The following PPP2R5E variants were observed in gnomAD, a reference collection of about 807,000 sequenced individuals.
PPP2R5E encodes the protein serine/threonine-protein phosphatase 2A 56 kDa regulatory subunit epsilon isoform.
In PPP2R5E, 4 loss-of-function variants were observed where a neutral mutation model predicts 65.3. That is an observed-to-expected ratio of 0.06 (90% CI 0.03 to 0.14). PPP2R5E has a LOEUF of 0.14. Ranked by LOEUF, PPP2R5E falls within the 10% of genes least tolerant of loss-of-function variation. PPP2R5E has a pLI of 1.00. For synonymous variants in PPP2R5E, 183 were observed against 187.4 expected, an observed-to-expected ratio of 0.98 and a Z score of 0.19; for missense variants, 274 against 556.1, an observed-to-expected ratio of 0.49 and a Z score of 5.10.
At chr14:63,493,207 G>T (rs1426635757) in intron 2 of PPP2R5E, among the ~76,000 whole-genome samples, 1 of 150,522 alleles carries the variant, frequency 6.6e-6, no homozygotes, top group East Asian at 1.9e-4. Context: ...GGTTTGGTGG[G>T]TTGTTTTTTT....
intron 2 of PPP2R5E, among the ~76,000 whole-genome samples, chr14:63,537,503 A>C (rs1893715273): frequency 6.6e-6 from 1 of 152,200 alleles, no homozygotes; most frequent in South Asian, 2.1e-4. Flanking sequence ...TGACTGGTAG[A>C]TATATCATCT....
At chr14:63,510,923 C>G (rs565322341) in intron 2 of PPP2R5E, among the ~76,000 whole-genome samples, 1 of 152,122 alleles carries the variant, frequency 6.6e-6, no homozygotes, top group Non-Finnish European at 1.5e-5. Flanking sequence ...GTGGTTTGGA[C>G]TAGGAAGTAG....
chr14:63,404,042 T>C (rs1885922535), intron 5 of PPP2R5E, among the ~76,000 whole-genome samples: 2 of 152,090 alleles, frequency 1.3e-5, no homozygotes, highest in Admixed American at 6.5e-5. Flanking sequence ...GAAATAAATA[T>C]ACAGAAACAA....
At chr14:63,433,641 A>T (rs1204878867) in intron 3 of PPP2R5E, among the ~76,000 whole-genome samples, 2 of 151,918 alleles carry the variant, frequency 1.3e-5, no homozygotes, top group African/African-American at 4.8e-5. Flanking sequence ...TAATGTCCCC[A>T]AGTCCAGATT....
chr14:63,484,080 CAAAA>C lies in PPP2R5E; in HGVS notation c.158-30199_158-30196del, dbSNP rs35786223. 3.0e-5 allele frequency among the ~76,000 whole-genome samples: 4 copies of C among 134,230 alleles called. No homozygotes were observed. The Admixed American group carries it at 3.1e-4, about 10-fold the overall frequency. The allele number at this position is 134,230 out of a possible 152,430, so 88.1% of individuals were successfully genotyped here. On this transcript the variant is annotated intron_variant, in intron 2 of 13. Transcript: ENST00000337537. Reference sequence around the variant, plus strand: ...GCCTGGTGACAGAGTGAGACTCCACCAAAAAAAAAAAAACTCCCAAGGAGTTAGA... The same window carrying C: ...GCCTGGTGACAGAGTGAGACTCCACCAAAAAAAAACTCCCAAGGAGTTAGA...
chr14:63,515,853 T>TC (rs1892651097), intron 2 of PPP2R5E, among the ~76,000 whole-genome samples: 1 of 141,042 alleles, frequency 7.1e-6, no homozygotes, highest in Admixed American at 6.9e-5. Flanking sequence ...TTATTTTACT[T>TC]TTTTTTTTTT....
At position 63,467,369 on chromosome 14, in the gene PPP2R5E, GCA is replaced by G. The variant is rs200314359; in HGVS notation, c.158-13486_158-13485del. Among the ~76,000 whole-genome samples, 285 of 152,146 alleles carry G rather than the reference GCA, an allele frequency of 1.9e-3. 2 individuals are homozygous for G. The highest frequency in any genetic ancestry group is 6.5e-3 in the African/African-American group (269 of 41,462). On this transcript the variant is annotated intron_variant, in intron 2 of 13. Coordinates refer to ENST00000337537, the MANE Select transcript of PPP2R5E (RefSeq NM_006246.5). ...ATGCATGCTTACAGTGCAATTCTAA[GCA>G]CAGCCTTTTTCTGAATTTTGATATA...
At chr14:63,399,488 T>C (rs1410423318) in intron 5 of PPP2R5E, among the ~76,000 whole-genome samples, 1 of 146,374 alleles carries the variant, frequency 6.8e-6, no homozygotes, top group Non-Finnish European at 1.5e-5. Flanking sequence ...CAAGCGATTC[T>C]CCTGCTTCAG....
At chr14:63,429,886 G>T (rs1016673206) in intron 3 of PPP2R5E, among the ~76,000 whole-genome samples, 2 of 152,070 alleles carry the variant, frequency 1.3e-5, no homozygotes, top group African/African-American at 4.8e-5. Context: ...GTTTCACTAT[G>T]TTGGTCAGGC....
intron 7 of PPP2R5E, 47 bp downstream of exon 7, chr14:63,395,179 T>A: frequency 6.5e-7 from 1 of 1,530,632 alleles, no homozygotes; most frequent in Non-Finnish European, 9.0e-7. Context: ...ACCTAATTTT[T>A]AAAATAATAT....
Position 63,524,272 on chromosome 14 carries a change from T to G in PPP2R5E, c.157+15257A>C, listed in dbSNP as rs181664151. ...GGATGAACTTTTGCCAGATTGCTTC[T>G]CTCACAACACTGCATATTCTGAAAC... On this transcript the variant is annotated intron_variant, in intron 2 of 13. Transcript: ENST00000337537. 9.4e-4 allele frequency among the ~76,000 whole-genome samples: 143 copies of G among 152,340 alleles called. No homozygotes were observed. The Middle Eastern group carries it at 0.02, about 22-fold the overall frequency.
rs368625038 is a variant in PPP2R5E at position 63,375,966 on chromosome 14, C to T, written c.*43G>A. 92 of 1,356,956 alleles carry T rather than the reference C, an allele frequency of 6.8e-5. No homozygotes were observed. Among genetic ancestry groups the T allele is most frequent in the Middle Eastern group, 3.9e-4 (2 of 5,182 alleles). 84.1% of individuals were successfully genotyped at this position (1,356,956 alleles called of 1,614,324 possible). On this transcript the variant is annotated 3_prime_UTR_variant, in exon 14 of 14. Coordinates refer to ENST00000337537, the MANE Select transcript of PPP2R5E (RefSeq NM_006246.5). ...GTTGCTCCATCTTCTACTACATAAA[C>T]GTGTGACTCCACAGGTTAGTAATGT...
At chr14:63,519,667 T>TC (rs1040391165) in intron 2 of PPP2R5E, among the ~76,000 whole-genome samples, 2 of 148,770 alleles carry the variant, frequency 1.3e-5, no homozygotes, top group Non-Finnish European at 3.0e-5. Flanking sequence ...GGACAAACTC[T>TC]CTTTTTTTTT....
intron 2 of PPP2R5E, among the ~76,000 whole-genome samples, chr14:63,533,868 A>G (rs1893548878): frequency 6.6e-6 from 1 of 152,056 alleles, no homozygotes; most frequent in South Asian, 2.1e-4. Context: ...AATCACTTGA[A>G]CCTGGGAGGC....
intron 3 of PPP2R5E, among the ~76,000 whole-genome samples, chr14:63,428,699 A>C (rs1341075780): frequency 6.6e-6 from 1 of 152,236 alleles, no homozygotes; most frequent in East Asian, 1.9e-4. Context: ...GAGACTACAA[A>C]GTTTCCAAGT....
chr14:63,516,219 A>G (rs1034476062), intron 2 of PPP2R5E, among the ~76,000 whole-genome samples: 7 of 152,202 alleles, frequency 4.6e-5, no homozygotes, highest in Non-Finnish European at 8.8e-5. Flanking sequence ...TTCTTATCTC[A>G]ACAGAAACTG....
At chr14:63,494,479 C>T (rs879638982) in intron 2 of PPP2R5E, among the ~76,000 whole-genome samples, 1 of 151,798 alleles carries the variant, frequency 6.6e-6, no homozygotes, top group Non-Finnish European at 1.5e-5. Flanking sequence ...AGGTGATCTG[C>T]CCCTATTAGC....
intron 12 of PPP2R5E, among the ~76,000 whole-genome samples, chr14:63,384,187 A>C (rs558528280): frequency 8.5e-5 from 13 of 152,214 alleles, no homozygotes; most frequent in African/African-American, 2.9e-4. Flanking sequence ...CTCTCCTCTC[A>C]GCTGCAGTGC....
intron 11 of PPP2R5E, among the ~76,000 whole-genome samples, chr14:63,387,206 T>A (rs1012733189): frequency 6.6e-6 from 1 of 152,218 alleles, no homozygotes; most frequent in African/African-American, 2.4e-5. Flanking sequence ...TTTACTGGCA[T>A]CCTCCCGTGG....
Sources: allele counts gnomAD v4.1 joint callset (sites outside exome capture counted in the v4.1 genomes callset), GRCh38; gene constraint gnomAD v4.1.1; transcripts MANE v1.5; gene names NCBI Gene and HGNC (gene_info 2026-07-23, HGNC 2026-07-21).